TFEB: variants seen among roughly 807,000 people sequenced by gnomAD.
TFEB encodes the protein T-cell transcription factor EB.
A neutral mutation model predicts 48.0 loss-of-function variants in TFEB; 12 were observed. The observed-to-expected ratio is 0.25, with a 90% confidence interval of 0.16 to 0.40. The LOEUF (loss-of-function observed/expected upper bound fraction) is 0.40. Among genes scored for constraint, TFEB ranks in the 10% least tolerant of loss-of-function variants. The pLI, the probability that TFEB is intolerant of heterozygous loss-of-function variation, is 1.00. For missense variants in TFEB, 509 were observed against 640.3 expected (o/e 0.79, Z 2.21); for synonymous variants, 244 against 261.4 (o/e 0.93, Z 0.64).
At chr6:41,707,164 G>A (rs1283676797) in intron 1 of TFEB, among the ~76,000 whole-genome samples, 1 of 152,152 alleles carries the variant, frequency 6.6e-6, no homozygotes. Flanking sequence ...TCAAACCTGA[G>A]ACATAAACCC....
In TFEB at chr6:41,684,534, G is replaced by A; in HGVS notation, c.*65C>T. 2 of 1,495,796 alleles carry A rather than the reference G, an allele frequency of 1.3e-6. No homozygotes were observed. The highest frequency in any genetic ancestry group is 1.8e-6 in the Non-Finnish European group (2 of 1,125,386). 92.7% of individuals were successfully genotyped at this position (1,495,796 alleles called of 1,614,324 possible). The stretch of plus-strand genomic sequence containing the variant: ...ACAGTGCAGCCTGAAGGGTGGGAGG[G>A]AGGTGCCCCTGGCCCTCCCAGCCCC... On this transcript the variant is annotated 3_prime_UTR_variant, in exon 9 of 9. Coordinates refer to ENST00000373033, the MANE Select transcript of TFEB (RefSeq NM_001271944.2).
intron 1 of TFEB, among the ~76,000 whole-genome samples, chr6:41,727,198 G>T (rs1321438085): frequency 1.3e-5 from 2 of 152,364 alleles, no homozygotes; most frequent in East Asian, 3.9e-4. Context: ...GGACTTGGAG[G>T]CTGACTGTGA....
intron 1 of TFEB, among the ~76,000 whole-genome samples, chr6:41,692,973 A>C (rs1378189725): frequency 6.6e-6 from 1 of 152,256 alleles, no homozygotes; most frequent in Non-Finnish European, 1.5e-5. Flanking sequence ...ATTTCTCATT[A>C]GTAAACGGTC....
In TFEB at chr6:41,684,467, C is replaced by CT. The variant is rs1768878697; in HGVS notation, c.*131_*132insA. On this transcript the variant is annotated 3_prime_UTR_variant, in exon 9 of 9. Coordinates refer to ENST00000373033, the MANE Select transcript of TFEB (RefSeq NM_001271944.2). ...GACAGGCACTAAGTCCAAACAGGGG[C>CT]CAACGGGGAGGAGGGAGGCAGGGCA... 4.2e-6 allele frequency: 5 copies of CT among 1,194,504 alleles called. No individual in the cohort carries two copies. The Admixed American group carries it at 1.8e-4, about 43-fold the overall frequency. The allele number at this position is 1,194,504 out of a possible 1,614,324, so 74.0% of individuals were successfully genotyped here. A position where few individuals can be genotyped will look rare whatever the true frequency, so the allele number is the denominator to read the frequency against.
chr6:41,732,700 GGT>G lies in TFEB; in HGVS notation c.-23+2648_-23+2649del, dbSNP rs1771504915. ...AGTCCTCACAACAGCCTGTGAGGTG[GGT>G]GTGTTTTCATCTCCCTCCTCTCAGA... On this transcript the variant is annotated intron_variant, in intron 1 of 8. Transcript: ENST00000373033. 5.1e-6 allele frequency: 5 copies of G among 985,448 alleles called. No individual in the cohort carries two copies. The South Asian group carries it at 2.3e-4, about 46-fold the overall frequency. The allele number at this position is 985,448 out of a possible 1,614,324, so 61.0% of individuals were successfully genotyped here.
At position 41,688,025 on chromosome 6, in the gene TFEB, G is replaced by T. The variant is rs764312703; in HGVS notation, c.553C>A (p.Pro185Thr). ...ACATTCAGGTGGCTGCTGGACAGGG[G>T]TAGCTGTGGGGTAGGGGGTGAGGGA... ...NPEMQMPNTL[P>T]LSSSHLNVYS... Residue 185 changes from proline (P) to threonine (T), a missense_variant, in exon 5 of 9, where the codon CCC (proline) becomes ACC (threonine). Coordinates refer to ENST00000373033, the MANE Select transcript of TFEB (RefSeq NM_001271944.2). 6.2e-7 allele frequency: 1 copy of T among 1,610,302 alleles called. No individual in the cohort carries two copies.
Position 41,691,026 on chromosome 6 carries a change from G to T in TFEB, c.188C>A (p.Pro63Gln). 1 of 1,575,272 alleles carries T rather than the reference G, an allele frequency of 6.3e-7. No individual in the cohort carries two copies. The highest frequency in any genetic ancestry group is 8.6e-7 in the Non-Finnish European group (1 of 1,158,800). ...CTTCAACACCTCCCCAGGCACAGGTGGTGGCGACTGGAAGTGGACGGGGGT... is the reference window on the plus strand; with the variant it reads ...CTTCAACACCTCCCCAGGCACAGGTTGTGGCGACTGGAAGTGGACGGGGGT... ...INTPVHFQSP[P>Q]PVPGEVLKVQ... The change falls in exon 2 of 9, where the codon CCA (proline) becomes CAA (glutamine). Residue 63 changes from proline to glutamine, a missense_variant. By Grantham distance (76) the Pro-to-Gln change is moderately conservative. This residue lies in a region of TFEB where 251 missense variants were observed against 317.2 expected (regional missense o/e 0.79). Transcript: ENST00000373033. This position sits in a 1 kb window ranked among gnomAD's most constrained non-coding sequence, Gnocchi z 5.2.
intron 1 of TFEB, among the ~76,000 whole-genome samples, chr6:41,727,062 C>A (rs1057332741): frequency 1.3e-5 from 2 of 152,188 alleles, no homozygotes; most frequent in African/African-American, 4.8e-5. Flanking sequence ...TCACCCGCCA[C>A]CCCGCCCAGG....
intron 1 of TFEB, among the ~76,000 whole-genome samples, chr6:41,728,676 T>C (rs143678592): frequency 1.1e-3 from 162 of 149,504 alleles, no homozygotes; most frequent in African/African-American, 3.4e-3. Flanking sequence ...CTGGTAGAAC[T>C]CGGGGAGGGG....
rs556935239 is a variant in TFEB, at chr6:41,700,871, G to A, written c.-22-9636C>T. Among the ~76,000 whole-genome samples the A allele has an allele frequency of 1.3e-3, 197 of 152,296 alleles. 2 individuals carry two copies. The highest frequency in any genetic ancestry group is 6.8e-3 in the Middle Eastern group (2 of 294). On this transcript the variant is annotated intron_variant, in intron 1 of 8. Transcript: ENST00000373033. ...TCCTGGCTGGTCAGACTGTTGGCCC[G>A]GGACAACAGGGGGAGCAGCTTCAAA...
intron 4 of TFEB, among the ~76,000 whole-genome samples, chr6:41,689,115 G>A (rs1408699419): frequency 6.6e-6 from 1 of 152,182 alleles, no homozygotes; most frequent in Admixed American, 6.5e-5. Context: ...CTGGGGTTTA[G>A]TATGCTTGAG....
intron 1 of TFEB, among the ~76,000 whole-genome samples, chr6:41,719,506 A>G (rs1443273611): frequency 1.3e-5 from 2 of 151,818 alleles, no homozygotes; most frequent in African/African-American, 4.8e-5. Flanking sequence ...ATCTTCAACA[A>G]CCCTATTGAG....
intron 1 of TFEB, among the ~76,000 whole-genome samples, chr6:41,715,542 T>C (rs1380610895): frequency 6.6e-6 from 1 of 152,020 alleles, no homozygotes; most frequent in Non-Finnish European, 1.5e-5. Flanking sequence ...TGGTGGCGGA[T>C]GCCTGTAATC....
intron 1 of TFEB, among the ~76,000 whole-genome samples, chr6:41,719,784 G>T (rs1770899416): frequency 6.6e-6 from 1 of 152,160 alleles, no homozygotes; most frequent in Admixed American, 6.6e-5. Context: ...GCTAGAAAGT[G>T]GCACTACCCA....
chr6:41,726,174 T>A (rs1321409547), intron 1 of TFEB, among the ~76,000 whole-genome samples: 1 of 152,118 alleles, frequency 6.6e-6, no homozygotes, highest in Non-Finnish European at 1.5e-5. Flanking sequence ...ACAACATAAG[T>A]GACTCTCACA....
rs115008428 is a variant in TFEB at position 41,708,569 on chromosome 6, C to T, written c.-22-17334G>A. Among the ~76,000 whole-genome samples, 581 of 152,342 alleles carry T rather than the reference C, an allele frequency of 3.8e-3. 7 individuals are homozygous for T. The highest frequency in any genetic ancestry group is 0.013 in the African/African-American group (526 of 41,570). On this transcript the variant is annotated intron_variant, in intron 1 of 8. Coordinates refer to ENST00000373033, the MANE Select transcript of TFEB (RefSeq NM_001271944.2). ...GTGAGCCTCAGATGCCCACAGTCAC[C>T]TTGCTCCTTCACACACATTTTATCA...
intron 1 of TFEB, among the ~76,000 whole-genome samples, chr6:41,693,456 A>T (rs932678955): frequency 2.0e-5 from 3 of 152,210 alleles, no homozygotes; most frequent in Non-Finnish European, 4.4e-5. Flanking sequence ...CAGAGCTGGA[A>T]CCCAGCCCCA....
In TFEB at chr6:41,730,605, G is replaced by T. The variant is rs1771410639; in HGVS notation, c.-23+4745C>A. 6.6e-6 allele frequency among the ~76,000 whole-genome samples: 1 copy of T among 152,194 alleles called. No homozygotes were observed. The highest frequency in any genetic ancestry group is 2.4e-5 in the African/African-American group (1 of 41,438). On this transcript the variant is annotated intron_variant, in intron 1 of 8. Coordinates refer to ENST00000373033, the MANE Select transcript of TFEB (RefSeq NM_001271944.2). This position sits in a 1 kb window ranked among gnomAD's most constrained non-coding sequence, Gnocchi z 4.1. ...GGTGATGACCCTGCCTGTTGCCTCTGCTCCTCTTGGCTCTCACCCACGGCT... is the reference window on the plus strand; with the variant it reads ...GGTGATGACCCTGCCTGTTGCCTCTTCTCCTCTTGGCTCTCACCCACGGCT...
Position 41,734,617 on chromosome 6 carries a change from G to A in TFEB, c.-23+733C>T, listed in dbSNP as rs1462794428. On this transcript the variant is annotated intron_variant, in intron 1 of 8. Coordinates refer to ENST00000373033, the MANE Select transcript of TFEB (RefSeq NM_001271944.2). The surrounding 1 kb of genome is among the most constrained non-coding windows in gnomAD (Gnocchi z 4.0). ...CGGGCAGGCAGCTGGGAACCCGGGG[G>A]GAGGCAGACAACGGGGCGCACGGAG... Among the ~76,000 whole-genome samples, 2 of 151,090 alleles carry A rather than the reference G, an allele frequency of 1.3e-5. No individual in the cohort carries two copies. The highest frequency in any genetic ancestry group is 4.9e-5 in the African/African-American group (2 of 41,114).
Sources: gnomAD v4.1 joint callset for allele counts (sites outside exome capture counted in the v4.1 genomes callset) on GRCh38, gnomAD v4.1.1 for gene constraint, gnomAD v4.1.1 regional missense constraint, Gnocchi (gnomAD v3.1) non-coding constraint, MANE v1.5 for transcripts, NCBI Gene and HGNC (gene_info 2026-07-23, HGNC 2026-07-21) for gene names.